Variants in TRIM2 observed in about 807,000 individuals in gnomAD.
The protein encoded by TRIM2 is tripartite motif-containing protein 2.
In TRIM2, 20 loss-of-function variants were observed where a neutral mutation model predicts 75.2. That is an observed-to-expected ratio of 0.27 (90% confidence interval 0.19 to 0.39). The LOEUF (loss-of-function observed/expected upper bound fraction) is 0.39, where lower values mean the gene tolerates loss of function less well. TRIM2 is among the 10% of genes least tolerant of loss of function. The pLI, the probability that TRIM2 is intolerant of heterozygous loss-of-function variation, is 1.00. For missense variants in TRIM2, 660 were observed against 990.8 expected, an observed-to-expected ratio of 0.67 and a Z score of 4.48; for synonymous variants, 373 against 388.3, an observed-to-expected ratio of 0.96 and a Z score of 0.46.
chr4:153,244,256 C>CTCT (rs1560873046), intron 1 of TRIM2, among the ~76,000 whole-genome samples: 27 of 1,154 alleles, frequency 0.023, 7 homozygotes, highest in African/African-American at 0.059. Flanking sequence ...CTCTTCTTTC[C>CTCT]TCCTCCTCCT....
At chr4:153,275,182 A>G (rs934899093) in intron 2 of TRIM2, among the ~76,000 whole-genome samples, 6 of 152,254 alleles carry the variant, frequency 3.9e-5, no homozygotes, top group Admixed American at 3.3e-4. Context: ...GAATCATAAC[A>G]GTACCTATCT....
At chr4:153,327,996 G>A (rs1293365624) in intron 10 of TRIM2, among the ~76,000 whole-genome samples, 1 of 152,134 alleles carries the variant, frequency 6.6e-6, no homozygotes, top group Non-Finnish European at 1.5e-5. Flanking sequence ...ACACACACAT[G>A]CAATGAATTT....
chr4:153,274,075 A>G (rs531630130), intron 2 of TRIM2, among the ~76,000 whole-genome samples: 3 of 152,234 alleles, frequency 2.0e-5, no homozygotes, highest in Non-Finnish European at 2.9e-5. Context: ...TGAGATGTGT[A>G]ATCCATGTTG....
intron 11 of TRIM2, among the ~76,000 whole-genome samples, chr4:153,329,176 A>C (rs28606387): frequency 0.027 from 4,123 of 152,226 alleles, 121 homozygotes; most frequent in East Asian, 0.076. Context: ...TTAATGTGCT[A>C]ATTTTTAGAA....
At chr4:153,221,990 GAGAGGAAGGAAGGAAA>G (rs1740500106) in intron 1 of TRIM2, among the ~76,000 whole-genome samples, 1 of 42,114 alleles carries the variant, frequency 2.4e-5, no homozygotes, top group Non-Finnish European at 5.0e-5. Context: ...AAGGAAGGGA[GAGAGGAAGGAAGGAAA>G]GAAGGAAGGA....
chr4:153,249,408 A>G (rs1013769389), intron 1 of TRIM2, among the ~76,000 whole-genome samples: 1 of 152,216 alleles, frequency 6.6e-6, no homozygotes, highest in African/African-American at 2.4e-5. Flanking sequence ...AGATTTCCCC[A>G]GGTCGGTGGT....
At chr4:153,163,772 G>A (rs1199068376) in intron 1 of TRIM2, among the ~76,000 whole-genome samples, 1 of 151,812 alleles carries the variant, frequency 6.6e-6, no homozygotes, top group Admixed American at 6.6e-5. Context: ...AGACTGTTGG[G>A]ATTACAGGAA....
chr4:153,163,447 G>T (rs1434994320), intron 1 of TRIM2, among the ~76,000 whole-genome samples: 2 of 146,924 alleles, frequency 1.4e-5, no homozygotes, highest in Non-Finnish European at 3.0e-5. Context: ...GCCTCCCAAA[G>T]TGCTGGAATT....
At chr4:153,269,318 A>G (rs1204963403) in intron 1 of TRIM2, among the ~76,000 whole-genome samples, 1 of 152,246 alleles carries the variant, frequency 6.6e-6, no homozygotes, top group African/African-American at 2.4e-5. Context: ...TAGGAAATGT[A>G]TGGTAGATAA....
In TRIM2 at chr4:153,334,974, C is replaced by A; in HGVS notation, c.*8C>A. ...TATCGATACTTACAGTAATGGTGGG[C>A]AGGTGGATACCCGCTTCCATGGTCT... On this transcript the variant is annotated 3_prime_UTR_variant, in exon 12 of 12. Coordinates refer to ENST00000338700, the MANE Select transcript of TRIM2 (RefSeq NM_015271.5). 6.2e-7 allele frequency: 1 copy of A among 1,609,008 alleles called. No individual in the cohort carries two copies. The highest frequency in any genetic ancestry group is 1.3e-5 in the African/African-American group (1 of 74,972).
rs114415780 is a variant in TRIM2 at position 153,322,700 on chromosome 4, G to A, written c.1835G>A (p.Arg612His). 1.3e-5 allele frequency: 21 copies of A among 1,614,126 alleles called. No homozygotes were observed. The highest frequency in any genetic ancestry group is 1.7e-4 in the Middle Eastern group (1 of 6,044). ...GGACCCAAAGGAGTTTCTGTGGACCGCAATGGGCACATTATTGTTGTGGAC... is the reference window on the plus strand; with the variant it reads ...GGACCCAAAGGAGTTTCTGTGGACCACAATGGGCACATTATTGTTGTGGAC... ...LMGPKGVSVD[R>H]NGHIIVVDNK... The change falls in exon 9 of 12, where the codon CGC becomes CAC. Residue 612 changes from arginine to histidine, a missense_variant. Arg to His is a conservative substitution (Grantham distance 29). Around this residue, in one of 2 missense-constraint regions of TRIM2, gnomAD observed 620 missense variants for 891.0 expected, o/e 0.70. Coordinates refer to ENST00000338700, the MANE Select transcript of TRIM2 (RefSeq NM_015271.5).
At chr4:153,207,685 C>T (rs1481488771) in intron 1 of TRIM2, among the ~76,000 whole-genome samples, 1 of 152,146 alleles carries the variant, frequency 6.6e-6, no homozygotes, top group Admixed American at 6.5e-5. Flanking sequence ...AAAGGAAATG[C>T]TAAGAGAATG....
intron 1 of TRIM2, among the ~76,000 whole-genome samples, chr4:153,161,903 A>G (rs1290628556): frequency 6.6e-6 from 1 of 152,220 alleles, no homozygotes; most frequent in Non-Finnish European, 1.5e-5. Context: ...GGAAACTTCC[A>G]TCCACTAGAA....
At chr4:153,187,751 G>A (rs969693949) in intron 1 of TRIM2, among the ~76,000 whole-genome samples, 4 of 152,090 alleles carry the variant, frequency 2.6e-5, no homozygotes, top group South Asian at 2.1e-4. Context: ...TGGATGATCC[G>A]GCACTGAGGT....
intron 11 of TRIM2, among the ~76,000 whole-genome samples, chr4:153,329,992 T>C (rs555583333): frequency 1.3e-5 from 2 of 152,172 alleles, no homozygotes; most frequent in South Asian, 4.1e-4. Flanking sequence ...AAAATACTAA[T>C]ATTAATACAT....
intron 1 of TRIM2, among the ~76,000 whole-genome samples, chr4:153,177,119 C>T (rs773955774): frequency 6.6e-6 from 1 of 152,228 alleles, no homozygotes; most frequent in Non-Finnish European, 1.5e-5. Flanking sequence ...CAGGAGCTAG[C>T]ATGGCTAAGT....
Position 153,268,792 on chromosome 4 carries a change from C to T in TRIM2, c.31-1543C>T, listed in dbSNP as rs147418851. On this transcript the variant is annotated intron_variant, in intron 1 of 11. Transcript: ENST00000338700. ...CTTTCTGTGTTGCCCTCTTCTAATT[C>T]TCCTTTCCTGGCATGATCCCTAACA... 2.1e-3 allele frequency among the ~76,000 whole-genome samples: 318 copies of T among 152,314 alleles called. 9 individuals carry two copies. Among genetic ancestry groups the T allele is most frequent in the Middle Eastern group, 6.8e-3 (2 of 294 alleles).
chr4:153,256,907 CTGTT>C (rs139703340), intron 1 of TRIM2, among the ~76,000 whole-genome samples: 66 of 151,844 alleles, frequency 4.3e-4, no homozygotes, highest in African/African-American at 1.0e-3. Context: ...TGGAACTGGA[CTGTT>C]TGTTTGTTTG....
chr4:153,337,392 AT>A lies in TRIM2; in HGVS notation c.*2434del, dbSNP rs954653384. ...CAATAGTAGACTGAATACAAAGCTA[AT>A]TTTTTTTACATGTCAATATTGGCAC... On this transcript the variant is annotated 3_prime_UTR_variant, in exon 12 of 12. Transcript: ENST00000338700. 4.3e-5 allele frequency: 42 copies of A among 985,696 alleles called. 1 individual carries two copies. In the African/African-American group the frequency reaches 5.1e-4, roughly 12 times the overall value. 61.1% of individuals were successfully genotyped at this position (985,696 alleles called of 1,614,324 possible).
Sources: gnomAD v4.1 joint callset for allele counts (sites outside exome capture counted in the v4.1 genomes callset) on GRCh38, gnomAD v4.1.1 for gene constraint, gnomAD v4.1.1 regional missense constraint, MANE v1.5 for transcripts, NCBI Gene and HGNC (gene_info 2026-07-23, HGNC 2026-07-21) for gene names.